The following PSMA1 variants were observed in gnomAD, a reference collection of about 807,000 sequenced individuals.
The protein encoded by PSMA1 is proteasome 20S subunit alpha 1, also known as proteasome subunit alpha type-1.
In PSMA1, 3 loss-of-function variants were observed where a neutral mutation model predicts 38.4. The ratio of observed to expected loss-of-function variants is 0.08; its 90% CI spans 0.04 to 0.20. The LOEUF is 0.20. Ranked by LOEUF, PSMA1 falls within the 10% of genes least tolerant of loss-of-function variation. The probability of loss-of-function intolerance (pLI) is 1.00; values close to 1 mark genes in which losing one functional copy is unlikely to be tolerated. For synonymous variants in PSMA1, 101 were observed against 107.1 expected, an observed-to-expected ratio of 0.94 and a Z score of 0.35; for missense variants, 227 against 325.3, an observed-to-expected ratio of 0.70 and a Z score of 2.32.
intron 2 of PSMA1, among the ~76,000 whole-genome samples, chr11:14,570,396 G>A (rs934649709): frequency 6.6e-5 from 10 of 152,178 alleles, no homozygotes; most frequent in South Asian, 2.1e-4. Flanking sequence ...AGCTTCAGAC[G>A]ATCAGTAATA....
At chr11:14,595,567 G>T (rs1025286453) in intron 2 of PSMA1, among the ~76,000 whole-genome samples, 9 of 152,162 alleles carry the variant, frequency 5.9e-5, no homozygotes, top group African/African-American at 2.2e-4. Context: ...AGAAGTGTCT[G>T]TTCATATCCT....
At chr11:14,518,064 C>A in intron 2 of PSMA1, 83 bp from the exon 3 acceptor site, 3 of 1,004,800 alleles carry the variant, frequency 3.0e-6, no homozygotes, top group Admixed American at 3.0e-5. Context: ...ATCAGGTGAG[C>A]ACAGTTAAAT....
chr11:14,608,275 C>T (rs1268484842), intron 2 of PSMA1, among the ~76,000 whole-genome samples: 9 of 151,932 alleles, frequency 5.9e-5, no homozygotes, highest in Non-Finnish European at 1.3e-4. Flanking sequence ...CTCTTCAGCT[C>T]AGGTGTTGGA....
chr11:14,642,929 G>A (rs1350799830), intron 1 of PSMA1, among the ~76,000 whole-genome samples: 2 of 152,108 alleles, frequency 1.3e-5, no homozygotes, highest in African/African-American at 4.8e-5. Context: ...TCTAGAAAGT[G>A]CTGTTACAGT....
chr11:14,559,498 G>C (rs1300458757), intron 2 of PSMA1, among the ~76,000 whole-genome samples: 2 of 152,228 alleles, frequency 1.3e-5, no homozygotes, highest in African/African-American at 2.4e-5. Context: ...GGGACTAGTG[G>C]CTTTCTGGAA....
intron 2 of PSMA1, among the ~76,000 whole-genome samples, chr11:14,609,243 C>T (rs1852680332): frequency 6.6e-6 from 1 of 152,080 alleles, no homozygotes; most frequent in Admixed American, 6.6e-5. Flanking sequence ...TTGGTGAGTC[C>T]AAAGACCATA....
chr11:14,634,644 A>G (rs1057273562), intron 1 of PSMA1, among the ~76,000 whole-genome samples: 4 of 152,220 alleles, frequency 2.6e-5, no homozygotes, highest in African/African-American at 4.8e-5. Context: ...GTGCATAGCC[A>G]AAATTCAGGC....
chr11:14,518,915 A>G (rs1851479169), intron 2 of PSMA1, 82 bp downstream of exon 2: 6 of 1,127,380 alleles, frequency 5.3e-6, no homozygotes, highest in Middle Eastern at 4.1e-4. Flanking sequence ...ATTTTCCCCA[A>G]GCCTACGCTC....
intron 1 of PSMA1, chr11:14,643,351 C>G (rs973527176): frequency 6.6e-6 from 1 of 150,446 alleles, no homozygotes; most frequent in South Asian, 2.1e-4. Flanking sequence ...CCACCCTTAG[C>G]TCAGCATCCC....
upstream of PSMA1, among the ~76,000 whole-genome samples, chr11:14,524,586 T>C (rs1851566381): frequency 6.6e-6 from 1 of 152,200 alleles, no homozygotes; most frequent in African/African-American, 2.4e-5. Flanking sequence ...CACCACCCGT[T>C]GCTGACTCTC....
chr11:14,571,043 G>C (rs1297472114), intron 2 of PSMA1, among the ~76,000 whole-genome samples: 2 of 152,146 alleles, frequency 1.3e-5, no homozygotes, highest in African/African-American at 4.8e-5. Flanking sequence ...GAGAGTGGGG[G>C]CCAATAGTCA....
At chr11:14,612,207 C>G (rs1040422466) in intron 1 of PSMA1, among the ~76,000 whole-genome samples, 1 of 152,116 alleles carries the variant, frequency 6.6e-6, no homozygotes, top group Non-Finnish European at 1.5e-5. Flanking sequence ...CTGCTTTTCA[C>G]CCAGTTGTGT....
At chr11:14,565,260 T>C (rs564679721) in intron 2 of PSMA1, among the ~76,000 whole-genome samples, 1 of 152,218 alleles carries the variant, frequency 6.6e-6, no homozygotes, top group Non-Finnish European at 1.5e-5. Flanking sequence ...TTCCTGATAT[T>C]AGAAAGTTGT....
intron 1 of PSMA1, among the ~76,000 whole-genome samples, chr11:14,612,993 A>G (rs1481101747): frequency 6.6e-6 from 1 of 152,124 alleles, no homozygotes. Context: ...TAAGATGGAG[A>G]TAGGGAAGGA....
At chr11:14,555,346 A>AT (rs1054117420) in intron 2 of PSMA1, among the ~76,000 whole-genome samples, 8 of 151,904 alleles carry the variant, frequency 5.3e-5, no homozygotes, top group African/African-American at 1.9e-4. Flanking sequence ...ACTTCATCTT[A>AT]TTTTTTTCTA....
intron 2 of PSMA1, among the ~76,000 whole-genome samples, chr11:14,588,945 C>T (rs1852380593): frequency 6.6e-6 from 1 of 152,176 alleles, no homozygotes; most frequent in Non-Finnish European, 1.5e-5. Context: ...CAGACCTTTG[C>T]TTATCCTTAC....
chr11:14,512,817 C>A (rs745317315), intron 7 of PSMA1, among the ~76,000 whole-genome samples: 1 of 152,210 alleles, frequency 6.6e-6, no homozygotes, highest in Non-Finnish European at 1.5e-5. Flanking sequence ...TTAGGGGTAA[C>A]CTTGGGGACC....
intron 2 of PSMA1, among the ~76,000 whole-genome samples, chr11:14,554,670 A>G (rs1589991225): frequency 6.6e-6 from 1 of 152,114 alleles, no homozygotes; most frequent in African/African-American, 2.4e-5. Flanking sequence ...CTATGTGTCT[A>G]TCTCTCCATC....
At chr11:14,531,964 A>G (rs1189510645) in intron 2 of PSMA1, among the ~76,000 whole-genome samples, 1 of 152,158 alleles carries the variant, frequency 6.6e-6, no homozygotes, top group African/African-American at 2.4e-5. Context: ...GTGGTACTGC[A>G]TTACCACTTG....
Sources: gnomAD v4.1 joint callset for allele counts (sites outside exome capture counted in the v4.1 genomes callset) on GRCh38, gnomAD v4.1.1 for gene constraint, MANE v1.5 for transcripts, NCBI Gene and HGNC (gene_info 2026-07-23, HGNC 2026-07-21) for gene names.